IQCJ: variants seen among roughly 807,000 people sequenced by gnomAD.
IQCJ encodes the protein IQ motif containing J.
Under a neutral mutation model 11.0 loss-of-function variants are expected in IQCJ, and 9 were observed. That is an observed-to-expected ratio of 0.82 (90% CI 0.49 to 1.43). The LOEUF (loss-of-function observed/expected upper bound fraction) is 1.43. IQCJ is among the 40% of genes most tolerant of loss of function. IQCJ has a pLI of 0.00. For synonymous variants in IQCJ, 55 were observed against 51.3 expected (o/e 1.07, Z -0.31); for missense variants, 146 against 133.2 (o/e 1.10, Z -0.47).
At chr3:159,224,604 A>G (rs1445355798) in intron 1 of IQCJ, among the ~76,000 whole-genome samples, 1 of 152,224 alleles carries the variant, frequency 6.6e-6, no homozygotes. Flanking sequence ...ATCAACAGAG[A>G]TATAAGATCA....
At chr3:159,081,229 A>G (rs563786615) in intron 1 of IQCJ, among the ~76,000 whole-genome samples, 1 of 152,194 alleles carries the variant, frequency 6.6e-6, no homozygotes, top group Admixed American at 6.5e-5. Flanking sequence ...GGAAAATGAA[A>G]TGGCTCCTCC....
chr3:159,130,124 C>A (rs776653346), intron 1 of IQCJ, among the ~76,000 whole-genome samples: 5 of 152,258 alleles, frequency 3.3e-5, no homozygotes, highest in Non-Finnish European at 7.4e-5. Flanking sequence ...AATCTTTTCT[C>A]CACCTCTATA....
chr3:159,241,058 G>A (rs1207450043), intron 1 of IQCJ, among the ~76,000 whole-genome samples: 1 of 151,988 alleles, frequency 6.6e-6, no homozygotes, highest in African/African-American at 2.4e-5. Context: ...TCTTTTACTT[G>A]TATAAAAAAC....
intron 1 of IQCJ, among the ~76,000 whole-genome samples, chr3:159,081,791 A>G (rs1360091163): frequency 3.3e-5 from 5 of 152,144 alleles, no homozygotes; most frequent in Admixed American, 3.3e-4. Context: ...TTCCCTGTCT[A>G]TTAGAGTTAG....
intron 1 of IQCJ, among the ~76,000 whole-genome samples, chr3:159,087,560 G>A (rs61795968): frequency 5.3e-5 from 8 of 150,654 alleles, no homozygotes; most frequent in South Asian, 2.1e-4. Context: ...GACTCTTTTT[G>A]GTTGGTAAGC....
intron 1 of IQCJ, among the ~76,000 whole-genome samples, chr3:159,237,200 G>C (rs936515115): frequency 6.6e-6 from 1 of 152,192 alleles, no homozygotes; most frequent in African/African-American, 2.4e-5. Context: ...AAGCAATTTT[G>C]ATTGGATTTC....
At chr3:159,196,255 A>G (rs1346101718) in intron 1 of IQCJ, among the ~76,000 whole-genome samples, 1 of 152,208 alleles carries the variant, frequency 6.6e-6, no homozygotes, top group African/African-American at 2.4e-5. Context: ...TCTTCTAACA[A>G]GTCTCTGATA....
intron 1 of IQCJ, among the ~76,000 whole-genome samples, chr3:159,103,786 C>G (rs926438788): frequency 6.6e-6 from 1 of 152,218 alleles, no homozygotes; most frequent in African/African-American, 2.4e-5. Context: ...CAGAAAGGAA[C>G]ACTTTAAATG....
chr3:159,202,503 A>G (rs1040017813), intron 1 of IQCJ, among the ~76,000 whole-genome samples: 1 of 152,132 alleles, frequency 6.6e-6, no homozygotes, highest in Non-Finnish European at 1.5e-5. Flanking sequence ...TTCTTGCTCT[A>G]GGTGCCCAAG....
intron 1 of IQCJ, among the ~76,000 whole-genome samples, chr3:159,198,180 A>G (rs1261120363): frequency 6.6e-6 from 1 of 152,206 alleles, no homozygotes; most frequent in East Asian, 1.9e-4. Flanking sequence ...CTCAATGGTT[A>G]TAGGGTAACT....
chr3:159,177,310 A>T (rs1722849382), intron 1 of IQCJ, among the ~76,000 whole-genome samples: 1 of 152,086 alleles, frequency 6.6e-6, no homozygotes, highest in African/African-American at 2.4e-5. Flanking sequence ...TTATATAAAG[A>T]TTTCCTGGGT....
intron 1 of IQCJ, among the ~76,000 whole-genome samples, chr3:159,171,674 C>T (rs902902958): frequency 6.6e-6 from 1 of 152,152 alleles, no homozygotes; most frequent in Non-Finnish European, 1.5e-5. Flanking sequence ...GACTATTTCT[C>T]GGGCTTCAGT....
At chr3:159,147,421 G>A (rs376408586) in intron 1 of IQCJ, among the ~76,000 whole-genome samples, 4 of 152,144 alleles carry the variant, frequency 2.6e-5, no homozygotes, top group Admixed American at 1.3e-4. Context: ...AATAGGTTAC[G>A]TTTTCAGATT....
At chr3:159,171,259 G>A (rs1257087705) in intron 1 of IQCJ, among the ~76,000 whole-genome samples, 6 of 152,220 alleles carry the variant, frequency 3.9e-5, no homozygotes, top group Non-Finnish European at 2.9e-5. Context: ...CAGTGTTATC[G>A]ATGTACTTTT....
intron 1 of IQCJ, among the ~76,000 whole-genome samples, chr3:159,118,708 A>G (rs1482734387): frequency 6.6e-6 from 1 of 152,006 alleles, no homozygotes; most frequent in Non-Finnish European, 1.5e-5. Flanking sequence ...GTAAATATAA[A>G]CCATACACAT....
Position 159,248,808 on chromosome 3 carries a change from G to C in IQCJ, c.74+2901G>C, listed in dbSNP as rs150059136. On this transcript the variant is annotated intron_variant, in intron 2 of 3. Coordinates refer to ENST00000397832, the MANE Select transcript of IQCJ (RefSeq NM_001042706.3). ...TTCTCCAAGGACACACTTTCTGTATGATGTTTGGCCCATTTATTTATTAAA... is the reference window on the plus strand; with the variant it reads ...TTCTCCAAGGACACACTTTCTGTATCATGTTTGGCCCATTTATTTATTAAA... 7.3e-3 allele frequency among the ~76,000 whole-genome samples: 1,102 copies of C among 151,934 alleles called. 5 individuals are homozygous for C. The highest frequency in any genetic ancestry group is 9.1e-3 in the Non-Finnish European group (621 of 67,958).
chr3:159,246,632 A>G (rs1727288554), intron 2 of IQCJ, among the ~76,000 whole-genome samples: 1 of 152,170 alleles, frequency 6.6e-6, no homozygotes, highest in African/African-American at 2.4e-5. Flanking sequence ...TTGGCTCTGG[A>G]CACCACGTTT....
Position 159,151,771 on chromosome 3 carries a change from G to A in IQCJ, c.9+82330G>A, listed in dbSNP as rs920670087. On this transcript the variant is annotated intron_variant, in intron 1 of 3. Coordinates refer to ENST00000397832, the MANE Select transcript of IQCJ (RefSeq NM_001042706.3). ...CTGCCTCAGCCTCCTGAGCAGCTGG[G>A]ACTACAGGTGCCTGCCACCACGTTT... is the stretch of plus-strand genomic sequence containing the variant. Among the ~76,000 whole-genome samples the A allele has an allele frequency of 5.3e-5, 8 of 152,304 alleles. No individual in the cohort carries two copies. The South Asian group carries it at 8.3e-4, about 16-fold the overall frequency.
intron 1 of IQCJ, among the ~76,000 whole-genome samples, chr3:159,113,655 G>A (rs1318141502): frequency 6.6e-6 from 1 of 152,228 alleles, no homozygotes; most frequent in East Asian, 1.9e-4. Context: ...AACAGGCTGA[G>A]ATAGTAATTA....
Sources: gnomAD v4.1 joint callset for allele counts (sites outside exome capture counted in the v4.1 genomes callset) on GRCh38, gnomAD v4.1.1 for gene constraint, MANE v1.5 for transcripts, NCBI Gene and HGNC (gene_info 2026-07-23, HGNC 2026-07-21) for gene names.